The following LDB2 variants were observed in gnomAD, a reference collection of about 807,000 sequenced individuals.
LDB2 encodes LIM domain binding 2.
LDB2 carries 12 observed loss-of-function variants against 44.3 expected under a neutral mutation model. The ratio of observed to expected loss-of-function variants is 0.27; its 90% CI spans 0.17 to 0.44. LDB2 has a LOEUF of 0.44. Among genes scored for constraint, LDB2 ranks in the 20% least tolerant of loss-of-function variants. The pLI is 1.00. For synonymous variants in LDB2, 164 were observed against 174.8 expected (o/e 0.94, Z 0.49); for missense variants, 344 against 473.5 (o/e 0.73, Z 2.54).
At chr4:16,771,585 A>G (rs1183759480) in intron 1 of LDB2, among the ~76,000 whole-genome samples, 1 of 152,040 alleles carries the variant, frequency 6.6e-6, no homozygotes, top group Non-Finnish European at 1.5e-5. Flanking sequence ...ATTCTCTTCC[A>G]TCTCCATAAT....
chr4:16,749,575 A>AAT (rs1561091610), intron 2 of LDB2, among the ~76,000 whole-genome samples: 14 of 137,272 alleles, frequency 1.0e-4, no homozygotes, highest in East Asian at 7.3e-4. Context: ...AAAAAAAATA[A>AAT]AAAAATAAAA....
intron 1 of LDB2, among the ~76,000 whole-genome samples, chr4:16,820,334 C>T (rs1286665741): frequency 6.6e-6 from 1 of 152,114 alleles, no homozygotes; most frequent in Non-Finnish European, 1.5e-5. Flanking sequence ...TTGGGCACTG[C>T]TCACTGCTCT....
chr4:16,813,182 C>T (rs1357474496), intron 1 of LDB2, among the ~76,000 whole-genome samples: 1 of 152,122 alleles, frequency 6.6e-6, no homozygotes, highest in Non-Finnish European at 1.5e-5. Flanking sequence ...GATGGGGTTT[C>T]GCCATGTTGG....
chr4:16,681,524 A>G (rs1747859844), intron 2 of LDB2, among the ~76,000 whole-genome samples: 1 of 152,098 alleles, frequency 6.6e-6, no homozygotes, highest in Admixed American at 6.6e-5. Flanking sequence ...GTTACATCAA[A>G]CCATTAGGCT....
chr4:16,819,471 A>AG (rs1781560073), intron 1 of LDB2, among the ~76,000 whole-genome samples: 1 of 150,760 alleles, frequency 6.6e-6, no homozygotes, highest in Non-Finnish European at 1.5e-5. Flanking sequence ...AAAAAAAAAA[A>AG]AAAAAAAAAG....
chr4:16,560,836 G>A (rs1183254870), intron 5 of LDB2, among the ~76,000 whole-genome samples: 5 of 152,088 alleles, frequency 3.3e-5, no homozygotes, highest in South Asian at 2.1e-4. Context: ...CTGGCAAACC[G>A]AATCCAGCAG....
intron 2 of LDB2, among the ~76,000 whole-genome samples, chr4:16,643,852 C>T (rs1419405259): frequency 6.6e-6 from 1 of 151,960 alleles, no homozygotes; most frequent in Non-Finnish European, 1.5e-5. Flanking sequence ...ATTTTATTTG[C>T]TGGCTTTTTT....
At chr4:16,790,205 G>T (rs557352753) in intron 1 of LDB2, among the ~76,000 whole-genome samples, 1 of 152,130 alleles carries the variant, frequency 6.6e-6, no homozygotes, top group Non-Finnish European at 1.5e-5. Flanking sequence ...TTTACAAATC[G>T]AGACTCCAAG....
chr4:16,662,254 G>A (rs879719122), intron 2 of LDB2, among the ~76,000 whole-genome samples: 4 of 152,030 alleles, frequency 2.6e-5, no homozygotes, highest in African/African-American at 7.2e-5. Context: ...CTTGCCCTGG[G>A]AATTGGTATC....
intron 3 of LDB2, 132 bp from the exon 4 acceptor site, chr4:16,588,964 C>T (rs186216433): frequency 3.8e-5 from 33 of 877,944 alleles, no homozygotes; most frequent in East Asian, 4.9e-5. Flanking sequence ...AGATGTGACA[C>T]GAGTGATGTG....
intron 2 of LDB2, among the ~76,000 whole-genome samples, chr4:16,744,260 G>A (rs1449387293): frequency 6.8e-6 from 1 of 147,124 alleles, no homozygotes; most frequent in East Asian, 2.1e-4. Context: ...GGGTTCAAGT[G>A]ATTCTCGTGC....
chr4:16,820,507 G>A (rs1781748945), intron 1 of LDB2, among the ~76,000 whole-genome samples: 2 of 152,104 alleles, frequency 1.3e-5, no homozygotes, highest in African/African-American at 2.4e-5. Context: ...GCAGGTCAAG[G>A]GAACATCGAA....
chr4:16,833,658 T>A (rs1301105150), intron 1 of LDB2, among the ~76,000 whole-genome samples: 1 of 151,774 alleles, frequency 6.6e-6, no homozygotes, highest in Non-Finnish European at 1.5e-5. Flanking sequence ...TTCTCCTGCC[T>A]CAGCCTCCCG....
At chr4:16,683,285 ATAT>A (rs1748417223) in intron 2 of LDB2, among the ~76,000 whole-genome samples, 1 of 152,198 alleles carries the variant, frequency 6.6e-6, no homozygotes, top group South Asian at 2.1e-4. Context: ...CTTAATACTA[ATAT>A]TATGCTTTCT....
chr4:16,609,452 G>T (rs1020996625), intron 2 of LDB2, among the ~76,000 whole-genome samples: 38 of 152,100 alleles, frequency 2.5e-4, no homozygotes, highest in African/African-American at 8.7e-4. Flanking sequence ...AGCTGCCTAA[G>T]CTCCCTAGGT....
chr4:16,543,222 G>GCA (rs940848785), intron 5 of LDB2, among the ~76,000 whole-genome samples: 225 of 152,152 alleles, frequency 1.5e-3, no homozygotes, highest in African/African-American at 5.0e-3. Context: ...GAATAGTGCC[G>GCA]CAATAAACAT....
At chr4:16,546,750 T>C (rs561369400) in intron 5 of LDB2, among the ~76,000 whole-genome samples, 89 of 152,354 alleles carry the variant, frequency 5.8e-4, no homozygotes, top group Admixed American at 1.1e-3. Flanking sequence ...TTAACCTTGC[T>C]GTCCATGTCA....
At chr4:16,534,426 C>T (rs185682623) in intron 5 of LDB2, among the ~76,000 whole-genome samples, 1 of 152,142 alleles carries the variant, frequency 6.6e-6, no homozygotes, top group Admixed American at 6.5e-5. Flanking sequence ...CCCGAGCTGG[C>T]CTTGCAGGAA....
chr4:16,765,243 C>G (rs1027906117), intron 1 of LDB2, among the ~76,000 whole-genome samples: 3 of 152,178 alleles, frequency 2.0e-5, no homozygotes, highest in Non-Finnish European at 2.9e-5. Context: ...CAGAAAGGAG[C>G]CAGCATATGC....
Sources: allele counts gnomAD v4.1 joint callset (sites outside exome capture counted in the v4.1 genomes callset), GRCh38; gene constraint gnomAD v4.1.1; transcripts MANE v1.5; gene names NCBI Gene and HGNC (gene_info 2026-07-23, HGNC 2026-07-21).